C12orf42: variants seen among roughly 807,000 people sequenced by gnomAD.
The protein encoded by C12orf42 is chromosome 12 open reading frame 42, also known as uncharacterized protein C12orf42.
A neutral mutation model predicts 21.6 loss-of-function variants in C12orf42; 25 were observed. The observed-to-expected ratio is 1.16, with a 90% CI of 0.84 to 1.62. C12orf42 has a LOEUF of 1.62. Among genes scored for constraint, C12orf42 ranks in the 40% most tolerant of loss-of-function variants. C12orf42 has a pLI of 0.00. For synonymous variants in C12orf42, 174 were observed against 175.0 expected (o/e 0.99, Z 0.05); for missense variants, 483 against 459.3 (o/e 1.05, Z -0.47).
chr12:103,396,929 T>A (rs1417355250), intron 3 of C12orf42, among the ~76,000 whole-genome samples: 1 of 152,236 alleles, frequency 6.6e-6, no homozygotes, highest in Non-Finnish European at 1.5e-5. Flanking sequence ...CAGAAGAATA[T>A]GATCTGTTTA....
chr12:103,446,853 AT>A (rs1195613337), intron 2 of C12orf42, among the ~76,000 whole-genome samples: 1 of 152,054 alleles, frequency 6.6e-6, no homozygotes, highest in African/African-American at 2.4e-5. Flanking sequence ...GAGTTCCTAA[AT>A]TTATAAAACA....
intron 2 of C12orf42, among the ~76,000 whole-genome samples, chr12:103,415,100 C>T (rs934149413): frequency 6.8e-6 from 1 of 148,106 alleles, no homozygotes; most frequent in South Asian, 2.1e-4. Context: ...AAAACAACAA[C>T]AAAAAAAGAG....
Position 103,302,063 on chromosome 12 carries a change from G to A in C12orf42, c.*45C>T, listed in dbSNP as rs760164634. On this transcript the variant is annotated 3_prime_UTR_variant, in exon 6 of 6. Coordinates refer to ENST00000548883, the MANE Select transcript of C12orf42 (RefSeq NM_198521.5). ...CTTTCTGTTGTTCTGAGCAGGCATT[G>A]ATTTGAAGATGGGCAGCACTCGCCG... is the stretch of plus-strand genomic sequence containing the variant. 1.9e-6 allele frequency: 3 copies of A among 1,566,632 alleles called. No individual in the cohort carries two copies. In the African/African-American group the frequency reaches 4.1e-5, roughly 21 times the overall value.
intron 4 of C12orf42, among the ~76,000 whole-genome samples, chr12:103,284,444 T>C (rs2036318529): frequency 6.6e-6 from 1 of 152,102 alleles, no homozygotes; most frequent in East Asian, 1.9e-4. Context: ...GTGACTGACA[T>C]TGTCTGCCCA....
chr12:103,457,980 G>A (rs1952426404), intron 2 of C12orf42, among the ~76,000 whole-genome samples: 1 of 152,182 alleles, frequency 6.6e-6, no homozygotes. Flanking sequence ...ATTAGGCTCT[G>A]TTGCCTGTCC....
the C12orf42 span, among the ~76,000 whole-genome samples, chr12:103,215,646 G>A: frequency 2.0e-5 from 3 of 152,318 alleles, no homozygotes; most frequent in Admixed American, 6.5e-5. Flanking sequence ...TATAAAGGCT[G>A]GGATTTCAGG....
At chr12:103,085,426 C>T in the C12orf42 span, among the ~76,000 whole-genome samples, 13 of 152,076 alleles carry the variant, frequency 8.5e-5, no homozygotes, top group African/African-American at 3.1e-4. Flanking sequence ...ATCTAACTCA[C>T]TTTTCTCTCC....
At chr12:103,369,238 GA>G (rs2044943661) in intron 3 of C12orf42, among the ~76,000 whole-genome samples, 1 of 151,492 alleles carries the variant, frequency 6.6e-6, no homozygotes, top group African/African-American at 2.4e-5. Context: ...TTTGTTCTTT[GA>G]AAAAAATCTT....
the C12orf42 span, among the ~76,000 whole-genome samples, chr12:103,213,337 T>C: frequency 3.3e-5 from 5 of 152,182 alleles, no homozygotes; most frequent in African/African-American, 1.2e-4. Flanking sequence ...GGTGTCTAAC[T>C]CCAGATCCTA....
chr12:103,323,501 C>T (rs1359422120), intron 4 of C12orf42, among the ~76,000 whole-genome samples: 1 of 152,024 alleles, frequency 6.6e-6, no homozygotes, highest in Admixed American at 6.6e-5. Context: ...TACAGTTTAG[C>T]AACAGGAAAA....
chr12:103,166,052 AAGAAAAAAGAAAGAG>A, the C12orf42 span, among the ~76,000 whole-genome samples: 1 of 146,930 alleles, frequency 6.8e-6, no homozygotes, highest in African/African-American at 2.7e-5. Flanking sequence ...AAAAAAAAGA[AAGAAAAAAGAAAGAG>A]AGAGAGAGAG....
intron 4 of C12orf42, among the ~76,000 whole-genome samples, chr12:103,348,314 A>C (rs1311743602): frequency 1.3e-5 from 2 of 152,218 alleles, no homozygotes; most frequent in Non-Finnish European, 2.9e-5. Flanking sequence ...ATAATTCGTG[A>C]GTACCGGAAA....
At chr12:103,441,506 T>TGAGTG in intron 2 of C12orf42, 1 of 152,286 alleles carries the variant, frequency 6.6e-6, no homozygotes, top group East Asian at 1.9e-4. Flanking sequence ...CACTCATTTC[T>TGAGTG]GAACTCGGAT....
the C12orf42 span, among the ~76,000 whole-genome samples, chr12:103,194,605 C>A: frequency 6.6e-6 from 1 of 151,948 alleles, no homozygotes; most frequent in Non-Finnish European, 1.5e-5. Flanking sequence ...GGAATAAACT[C>A]AAGTGAAAAG....
At chr12:103,324,288 G>A (rs2136935075) in intron 4 of C12orf42, among the ~76,000 whole-genome samples, 1 of 152,206 alleles carries the variant, frequency 6.6e-6, no homozygotes, top group South Asian at 2.1e-4. Flanking sequence ...TGATTCAGTA[G>A]AGTAGAAGAA....
chr12:103,545,659 C>G, the C12orf42 span, among the ~76,000 whole-genome samples: 1 of 152,194 alleles, frequency 6.6e-6, no homozygotes, highest in Non-Finnish European at 1.5e-5. Flanking sequence ...TTACCTTGCT[C>G]AGCAATAAAG....
intron 2 of C12orf42, among the ~76,000 whole-genome samples, chr12:103,439,701 G>C (rs1220794367): frequency 2.0e-4 from 30 of 151,880 alleles, no homozygotes; most frequent in South Asian, 8.4e-4. Flanking sequence ...ATCAAAACCA[G>C]AATGAGATAC....
chr12:103,096,093 C>T, the C12orf42 span, among the ~76,000 whole-genome samples: 1 of 152,160 alleles, frequency 6.6e-6, no homozygotes, highest in Non-Finnish European at 1.5e-5. Flanking sequence ...AGTTCATGGT[C>T]TCAAAATTGG....
the C12orf42 span, among the ~76,000 whole-genome samples, chr12:103,106,225 A>T: frequency 6.6e-6 from 1 of 152,178 alleles, no homozygotes; most frequent in East Asian, 1.9e-4. Flanking sequence ...ACACTTAAGA[A>T]TGTGAGTAAA....
Sources: gnomAD v4.1 joint callset for allele counts (sites outside exome capture counted in the v4.1 genomes callset) on GRCh38, gnomAD v4.1.1 for gene constraint, MANE v1.5 for transcripts, NCBI Gene and HGNC (gene_info 2026-07-23, HGNC 2026-07-21) for gene names.